LRRFIP2: variants seen among roughly 807,000 people sequenced by gnomAD.
LRRFIP2 encodes the protein LRR binding FLII interacting protein 2.
In LRRFIP2, 109 loss-of-function variants were observed where a neutral mutation model predicts 125.9. The observed-to-expected ratio is 0.87, with a 90% CI of 0.74 to 1.01. LRRFIP2 has a LOEUF of 1.01. LRRFIP2 is among the 50% of genes least tolerant of loss of function. LRRFIP2 has a pLI of 0.00. For missense variants in LRRFIP2, 850 were observed against 862.3 expected, an observed-to-expected ratio of 0.99 and a Z score of 0.18; for synonymous variants, 291 against 293.1, an observed-to-expected ratio of 0.99 and a Z score of 0.07.
chr3:37,079,734 T>A (rs543822006), intron 19 of LRRFIP2, among the ~76,000 whole-genome samples: 3 of 152,160 alleles, frequency 2.0e-5, no homozygotes, highest in Non-Finnish European at 2.9e-5. Context: ...AATGGAATAT[T>A]AATAGGCTAT....
intron 13 of LRRFIP2, among the ~76,000 whole-genome samples, chr3:37,106,648 A>G (rs2094338901): frequency 6.6e-6 from 1 of 152,016 alleles, no homozygotes; most frequent in South Asian, 2.1e-4. Context: ...TCTCTAAATA[A>G]AAATTAAAAT....
chr3:37,086,628 T>C (rs957565371), intron 18 of LRRFIP2, among the ~76,000 whole-genome samples: 5 of 152,150 alleles, frequency 3.3e-5, no homozygotes, highest in Non-Finnish European at 7.3e-5. Flanking sequence ...AGACCACATA[T>C]TGTATGATTC....
intron 16 of LRRFIP2, among the ~76,000 whole-genome samples, chr3:37,095,367 T>C (rs2093665788): frequency 6.6e-6 from 1 of 152,208 alleles, no homozygotes; most frequent in African/African-American, 2.4e-5. Flanking sequence ...GAAGATACTA[T>C]TTGCAGCAGA....
intron 18 of LRRFIP2, among the ~76,000 whole-genome samples, chr3:37,086,590 A>T (rs2093063566): frequency 1.3e-5 from 2 of 152,238 alleles, no homozygotes; most frequent in Non-Finnish European, 2.9e-5. Flanking sequence ...TATTGAATAT[A>T]TTATGCTAAA....
chr3:37,136,950 C>CT (rs1389506774), intron 2 of LRRFIP2, among the ~76,000 whole-genome samples: 1 of 8,738 alleles, frequency 1.1e-4, no homozygotes, highest in Non-Finnish European at 2.9e-4. Flanking sequence ...TATTTTCTTT[C>CT]TTTTTTGGGG....
rs376110228 is a variant in LRRFIP2, at chr3:37,072,816, G to C, written c.1438C>G (p.Leu480Val). 2.5e-6 allele frequency: 4 copies of C among 1,612,896 alleles called. No individual in the cohort carries two copies. Among genetic ancestry groups the C allele is most frequent in the South Asian group, 1.1e-5 (1 of 90,930 alleles). ...CCAATTTTTTTATCTTTCCAAAGAA[G>C]TGTCTCCTGGAGGTCAAACACCTCT... Reference protein sequence around the residue: ...TKEVFDLQETLLWKDKKIGAL... With the variant: ...TKEVFDLQETVLWKDKKIGAL... The change falls in exon 21 of 28, where the codon CTT (leucine) becomes GTT (valine). Residue 480 changes from leucine to valine, a missense_variant. Transcript: ENST00000336686.
intron 18 of LRRFIP2, among the ~76,000 whole-genome samples, chr3:37,085,602 G>C (rs1052418992): frequency 4.1e-5 from 6 of 145,956 alleles, no homozygotes; most frequent in African/African-American, 1.5e-4. Flanking sequence ...TTTTTTTCGA[G>C]ATGGAGTCTC....
intron 1 of LRRFIP2, among the ~76,000 whole-genome samples, chr3:37,153,801 A>G (rs1050714741): frequency 2.0e-5 from 3 of 152,178 alleles, no homozygotes; most frequent in Non-Finnish European, 4.4e-5. Context: ...TCTTCTTGTC[A>G]TATCTACAGA....
intron 20 of LRRFIP2, among the ~76,000 whole-genome samples, chr3:37,073,429 A>G (rs945201974): frequency 1.7e-4 from 26 of 152,182 alleles, no homozygotes; most frequent in African/African-American, 6.3e-4. Flanking sequence ...AGCATTTAAC[A>G]ATCCTTAAAT....
chr3:37,174,173 C>G (rs6805962), intron 1 of LRRFIP2: 1 of 152,052 alleles, frequency 6.6e-6, no homozygotes, highest in Non-Finnish European at 1.5e-5. Flanking sequence ...GATAGACTTG[C>G]CATTATTTTT....
chr3:37,115,945 A>G (rs2094762636), intron 6 of LRRFIP2, among the ~76,000 whole-genome samples: 1 of 152,216 alleles, frequency 6.6e-6, no homozygotes, highest in Non-Finnish European at 1.5e-5. Context: ...AACAAATAAA[A>G]GCAATGAACA....
chr3:37,114,924 T>C, intron 7 of LRRFIP2, 130 bp downstream of exon 7: 1 of 676,592 alleles, frequency 1.5e-6, no homozygotes, highest in South Asian at 2.0e-5. Context: ...AGCTTTTTGC[T>C]TTGTTAGTCA....
At chr3:37,119,346 G>T (rs925199924) in intron 6 of LRRFIP2, among the ~76,000 whole-genome samples, 1 of 151,974 alleles carries the variant, frequency 6.6e-6, no homozygotes, top group South Asian at 2.1e-4. Context: ...ATACATTCTG[G>T]TATATAGTTA....
intron 1 of LRRFIP2, among the ~76,000 whole-genome samples, chr3:37,160,668 AC>A (rs1158327350): frequency 2.0e-5 from 3 of 151,976 alleles, no homozygotes; most frequent in Admixed American, 6.6e-5. Context: ...AATCCCAGCT[AC>A]TCAGGAGGCT....
At chr3:37,058,623 G>A (rs1431433325) in intron 25 of LRRFIP2, among the ~76,000 whole-genome samples, 167 bp downstream of exon 25, 3 of 151,346 alleles carry the variant, frequency 2.0e-5, no homozygotes, top group Admixed American at 6.6e-5. Flanking sequence ...TGCAGTGAAC[G>A]GAGATTGCAC....
At chr3:37,134,916 G>A (rs543249247) in intron 2 of LRRFIP2, 6 of 1,361,928 alleles carry the variant, frequency 4.4e-6, no homozygotes, top group East Asian at 2.3e-5. Flanking sequence ...CATTTGTCTC[G>A]ATATTCTAAG....
At chr3:37,121,359 G>A in intron 6 of LRRFIP2, 133 bp downstream of exon 6, 1 of 752,004 alleles carries the variant, frequency 1.3e-6, no homozygotes, top group Non-Finnish European at 2.2e-6. Flanking sequence ...CCAATGAAAG[G>A]TCTTTGCCAA....
intron 18 of LRRFIP2, among the ~76,000 whole-genome samples, chr3:37,086,354 A>C (rs1055016216): frequency 1.3e-5 from 2 of 152,262 alleles, no homozygotes; most frequent in African/African-American, 4.8e-5. Context: ...CACATGAGCC[A>C]GCAATTCTAT....
At chr3:37,109,806 T>C in intron 9 of LRRFIP2, 103 bp from the exon 10 acceptor site, 3 of 950,256 alleles carry the variant, frequency 3.2e-6, no homozygotes, top group East Asian at 5.1e-5. Flanking sequence ...TTATACTCCA[T>C]AATTCATTAG....
Sources: allele counts gnomAD v4.1 joint callset (sites outside exome capture counted in the v4.1 genomes callset), GRCh38; gene constraint gnomAD v4.1.1; transcripts MANE v1.5; gene names NCBI Gene and HGNC (gene_info 2026-07-23, HGNC 2026-07-21).